CD4: variants seen among roughly 807,000 people sequenced by gnomAD.
CD4 encodes T-cell surface glycoprotein CD4.
In CD4, 25 loss-of-function variants were observed where a neutral mutation model predicts 50.5. The ratio of observed to expected loss-of-function variants is 0.49; its 90% CI spans 0.36 to 0.69. The LOEUF (loss-of-function observed/expected upper bound fraction) is 0.69, where lower values mean the gene tolerates loss of function less well. CD4 is among the 30% of genes least tolerant of loss of function. The probability of loss-of-function intolerance (pLI) is 0.00; values close to 1 mark genes in which losing one functional copy is unlikely to be tolerated. For missense variants in CD4, 456 were observed against 548.5 expected (o/e 0.83, Z 1.68); for synonymous variants, 207 against 221.9 (o/e 0.93, Z 0.60).
chr12:6,810,174 G>C (rs1370281386), intron 3 of CD4, among the ~76,000 whole-genome samples: 1 of 16,296 alleles, frequency 6.1e-5, no homozygotes, highest in Non-Finnish European at 1.1e-4. Context: ...ACAGGCGTGA[G>C]CCACCGCACC....
In CD4 at chr12:6,818,304, C is replaced by T. The variant is rs12226953; in HGVS notation, c.1157-117C>T. 0.52 allele frequency: 692,343 copies of T among 1,338,090 alleles called. 187,199 individuals are homozygous for T. The highest frequency in any genetic ancestry group is 0.76 in the East Asian group (32,423 of 42,734). 82.9% of individuals were successfully genotyped at this position (1,338,090 alleles called of 1,614,324 possible). A position where few individuals can be genotyped will look rare whatever the true frequency, so the allele number is the denominator to read the frequency against. On this transcript the variant is annotated intron_variant, in intron 7 of 9. Transcript: ENST00000011653. This position sits in a 1 kb window ranked among gnomAD's most constrained non-coding sequence, Gnocchi z 5.0. ...TTGAGAGCCCCCAGGCACCCCTCCC[C>T]TCTCCCCCAACCCCAGGGTCAAACC...
intron 3 of CD4, among the ~76,000 whole-genome samples, chr12:6,810,403 A>G (rs11064410): frequency 0.12 from 18,426 of 152,194 alleles, 2,147 homozygotes; most frequent in African/African-American, 0.3. Flanking sequence ...TTTTGAACCA[A>G]TTGCGTTTGG....
Position 6,816,334 on chromosome 12 carries a change from A to C in CD4, c.886A>C (p.Asn296His), listed in dbSNP as rs1555117941. The C allele has an allele frequency of 6.2e-7, 1 of 1,614,192 alleles. No homozygotes were observed. Among genetic ancestry groups the C allele is most frequent in the Admixed American group, 1.7e-5 (1 of 60,014 alleles). Residue 296 changes from asparagine (N) to histidine (H), a missense_variant, in exon 6 of 10, where the codon AAC (asparagine) becomes CAC (histidine). Physicochemically the swap from Asn to His is moderately conservative, Grantham distance 68. Coordinates refer to ENST00000011653, the MANE Select transcript of CD4 (RefSeq NM_000616.5). The surrounding 1 kb of genome is among the most constrained non-coding windows in gnomAD (Gnocchi z 4.9). The stretch of plus-strand genomic sequence containing the variant: ...CTTGCCTCAGTATGCTGGCTCTGGA[A>C]ACCTCACCCTGGCCCTTGAAGCGAA... ...QALPQYAGSG[N>H]LTLALEAKTG...
At chr12:6,810,819 A>C (rs1351334854) in intron 3 of CD4, among the ~76,000 whole-genome samples, 3 of 149,452 alleles carry the variant, frequency 2.0e-5, no homozygotes, top group Non-Finnish European at 4.5e-5. Context: ...GCAAACAGCA[A>C]GTAGGGCAGG....
chr12:6,813,184 C>T (rs1555117276), intron 3 of CD4, among the ~76,000 whole-genome samples: 1 of 151,408 alleles, frequency 6.6e-6, no homozygotes, highest in Non-Finnish European at 1.5e-5. Flanking sequence ...AAGTGATTCT[C>T]CCACCTCAGC....
At chr12:6,812,969 ATGATCATAG>A (rs1165363914) in intron 3 of CD4, among the ~76,000 whole-genome samples, 4 of 151,670 alleles carry the variant, frequency 2.6e-5, no homozygotes, top group African/African-American at 7.3e-5. Context: ...GTGCAGTGGC[ATGATCATAG>A]CTCACTGCAG....
At chr12:6,815,807 C>G in intron 5 of CD4, 1 of 1,463,470 alleles carries the variant, frequency 6.8e-7, no homozygotes, top group Non-Finnish European at 9.1e-7. Flanking sequence ...GCAAGGATCC[C>G]CTGTGGCTGG....
chr12:6,791,091 C>G (rs2187614), intron 1 of CD4, among the ~76,000 whole-genome samples: 1 of 152,154 alleles, frequency 6.6e-6, no homozygotes, highest in Non-Finnish European at 1.5e-5. Context: ...AATGTGGGAG[C>G]ACTTACATAG....
In CD4 at chr12:6,802,122, C is replaced by T. The variant is rs369960696; in HGVS notation, c.214+1651C>T. ...CTCCTGACCTCAAGTGATTCTCCCACCTTAGCCTCCCAAAGTGCTGGGATT... is the reference window on the plus strand; with the variant it reads ...CTCCTGACCTCAAGTGATTCTCCCATCTTAGCCTCCCAAAGTGCTGGGATT... On this transcript the variant is annotated intron_variant, in intron 3 of 9. Coordinates refer to ENST00000011653, the MANE Select transcript of CD4 (RefSeq NM_000616.5). 4.6e-3 allele frequency among the ~76,000 whole-genome samples: 707 copies of T among 152,212 alleles called. 2 individuals carry two copies. Among genetic ancestry groups the T allele is most frequent in the Non-Finnish European group, 6.1e-3 (414 of 68,016 alleles).
chr12:6,797,354 T>C (rs1167163476), intron 1 of CD4, among the ~76,000 whole-genome samples: 1 of 152,064 alleles, frequency 6.6e-6, no homozygotes. Flanking sequence ...AGGGTTGGTC[T>C]GATATTGGAC....
At chr12:6,808,088 A>AG in intron 3 of CD4, among the ~76,000 whole-genome samples, 1 of 150,810 alleles carries the variant, frequency 6.6e-6, no homozygotes, top group East Asian at 1.9e-4. Flanking sequence ...TCAAAAAAAA[A>AG]AAAAAAAAAA....
rs1942194046 is a variant in CD4 at position 6,792,622 on chromosome 12, A to G, written c.-68+2960A>G. 6.6e-6 allele frequency among the ~76,000 whole-genome samples: 1 copy of G among 152,104 alleles called. No individual in the cohort carries two copies. Among genetic ancestry groups the G allele is most frequent in the Non-Finnish European group, 1.5e-5 (1 of 68,018 alleles). On this transcript the variant is annotated intron_variant, in intron 1 of 9. Transcript: ENST00000011653. The surrounding 1 kb of genome is among the most constrained non-coding windows in gnomAD (Gnocchi z 4.1). Reference sequence around the variant, plus strand: ...TGTCCATGTGTCCCTCCCACCCTGCAGCCGGCTCCCTCACATCCACCCTGG... The same window carrying G: ...TGTCCATGTGTCCCTCCCACCCTGCGGCCGGCTCCCTCACATCCACCCTGG...
intron 7 of CD4, 43 bp downstream of exon 7, chr12:6,817,373 G>A: frequency 1.3e-6 from 2 of 1,518,636 alleles, no homozygotes; most frequent in Non-Finnish European, 1.8e-6. Flanking sequence ...TGGGCTGCGG[G>A]ACCTTCCTGT....
At chr12:6,811,411 A>T (rs781803421) in intron 3 of CD4, among the ~76,000 whole-genome samples, 1 of 152,060 alleles carries the variant, frequency 6.6e-6, no homozygotes, top group South Asian at 2.1e-4. Flanking sequence ...AACTTTCCAG[A>T]GATAGCATTG....
intron 1 of CD4, among the ~76,000 whole-genome samples, chr12:6,794,122 G>T (rs182703927): frequency 3.3e-5 from 5 of 150,838 alleles, no homozygotes; most frequent in African/African-American, 7.3e-5. Flanking sequence ...ACCCAGGCTG[G>T]AGTGCAGTGG....
rs782562377 is a variant in CD4 at position 6,818,549 on chromosome 12, AACCCCAC to A, written c.1278+11_1278+17del. 1.7e-5 allele frequency: 27 copies of A among 1,612,468 alleles called. No homozygotes were observed. In the South Asian group the frequency reaches 2.9e-4, roughly 17 times the overall value. ...CAGGTGCCGGCACCGAAGGGTGAGT[AACCCCAC>A]ACCTGGTCCCCACAAGGCCCTCAAA... is the stretch of plus-strand genomic sequence containing the variant. On this transcript the variant is annotated splice_region_variant and intron_variant, in intron 8 of 9. Coordinates refer to ENST00000011653, the MANE Select transcript of CD4 (RefSeq NM_000616.5). The surrounding 1 kb of genome is among the most constrained non-coding windows in gnomAD (Gnocchi z 5.0).
chr12:6,814,537 G>A lies in CD4; in HGVS notation c.374-222G>A. The A allele has an allele frequency of 1.5e-5, 10 of 651,998 alleles. No homozygotes were observed. In the South Asian group the frequency reaches 1.6e-4, roughly 11 times the overall value. The allele number at this position is 651,998 out of a possible 1,614,324, so 40.4% of individuals were successfully genotyped here. A position where few individuals can be genotyped will look rare whatever the true frequency, so the allele number is the denominator to read the frequency against. On this transcript the variant is annotated intron_variant, in intron 4 of 9. Coordinates refer to ENST00000011653, the MANE Select transcript of CD4 (RefSeq NM_000616.5). The stretch of plus-strand genomic sequence containing the variant: ...AAGAAAAGGGAAGGAGGCAAGGGAA[G>A]GAGGGAGAGAGACTGGGGAAGAGAG...
chr12:6,803,768 G>A (rs1353201116), intron 3 of CD4, among the ~76,000 whole-genome samples: 1 of 150,916 alleles, frequency 6.6e-6, no homozygotes, highest in East Asian at 2.0e-4. Context: ...CTGAGTGACA[G>A]AGTGAGACTC....
intron 3 of CD4, among the ~76,000 whole-genome samples, chr12:6,804,682 G>A (rs782644429): frequency 2.5e-4 from 38 of 152,170 alleles, no homozygotes; most frequent in Admixed American, 1.3e-3. Flanking sequence ...AGACCAGCCC[G>A]GGCAACATAG....
Sources: gnomAD v4.1 joint callset for allele counts (sites outside exome capture counted in the v4.1 genomes callset) on GRCh38, gnomAD v4.1.1 for gene constraint, Gnocchi (gnomAD v3.1) non-coding constraint, MANE v1.5 for transcripts, NCBI Gene and HGNC (gene_info 2026-07-23, HGNC 2026-07-21) for gene names.